PDE4D: variants seen among roughly 807,000 people sequenced by gnomAD.
PDE4D encodes 3',5'-cyclic-AMP phosphodiesterase 4D.
PDE4D carries 24 observed loss-of-function variants against 87.4 expected under a neutral mutation model. The ratio of observed to expected loss-of-function variants is 0.27; its 90% CI spans 0.20 to 0.39. The LOEUF (loss-of-function observed/expected upper bound fraction) is 0.39, where lower values mean the gene tolerates loss of function less well. Among genes scored for constraint, PDE4D ranks in the 10% least tolerant of loss-of-function variants. The pLI is 1.00. For missense variants in PDE4D, 714 were observed against 1,041.0 expected (o/e 0.69, Z 4.32); for synonymous variants, 384 against 383.2 (o/e 1.00, Z -0.02).
chr5:60,424,676 T>A (rs36136586), intron 1 of PDE4D, among the ~76,000 whole-genome samples: 1 of 152,224 alleles, frequency 6.6e-6, no homozygotes, highest in African/African-American at 2.4e-5. Context: ...TTGGAAGTTC[T>A]GGCTGGGGCA....
rs373096638 is a variant in PDE4D, at chr5:59,652,265, T to C, written c.455+240903A>G. Among the ~76,000 whole-genome samples the C allele has an allele frequency of 2.7e-3, 414 of 152,356 alleles. 3 individuals carry two copies. The highest frequency in any genetic ancestry group is 6.4e-3 in the South Asian group (31 of 4,828). On this transcript the variant is annotated intron_variant, in intron 1 of 14. Transcript: ENST00000340635. ...AAGCACTCACTGAGAACACTGAAAG[T>C]ACACCATTAGTCTCTGCCTGTGGCC...
chr5:59,090,331 TG>T (rs1768468654), intron 5 of PDE4D, among the ~76,000 whole-genome samples: 1 of 152,124 alleles, frequency 6.6e-6, no homozygotes, highest in Non-Finnish European at 1.5e-5. Context: ...TAGGCATTAG[TG>T]TAGGAGTCAG....
intron 1 of PDE4D, among the ~76,000 whole-genome samples, chr5:59,808,300 C>T (rs1374036436): frequency 1.3e-5 from 2 of 152,080 alleles, no homozygotes; most frequent in Non-Finnish European, 2.9e-5. Flanking sequence ...AGAACTTTCT[C>T]TTTTAAGATT....
chr5:59,546,713 C>A (rs536477747), intron 1 of PDE4D, among the ~76,000 whole-genome samples: 4 of 152,128 alleles, frequency 2.6e-5, no homozygotes. Flanking sequence ...AAAAGACGAA[C>A]TACCAGAATA....
chr5:60,120,404 C>T lies in PDE4D; in HGVS notation c.42+65153G>A, dbSNP rs550644803. Among the ~76,000 whole-genome samples the T allele has an allele frequency of 2.6e-5, 4 of 152,300 alleles. No homozygotes were observed. In the South Asian group the frequency reaches 8.3e-4, roughly 32 times the overall value. ...CACTTGGCAGAAGGGCAGGAAGCCA[C>T]ATATGTTGCACCAAGGTATTGACAA... is the stretch of plus-strand genomic sequence containing the variant. On this transcript the variant is annotated intron_variant, in intron 2 of 16. Transcript: ENST00000502484.
chr5:60,223,695 G>A (rs1744759533), intron 1 of PDE4D, among the ~76,000 whole-genome samples: 1 of 152,046 alleles, frequency 6.6e-6, no homozygotes, highest in South Asian at 2.1e-4. Flanking sequence ...ATCAGATAAT[G>A]GGGATTTTCT....
chr5:59,559,364 G>A (rs1201377074), intron 1 of PDE4D, among the ~76,000 whole-genome samples: 1 of 152,128 alleles, frequency 6.6e-6, no homozygotes, highest in African/African-American at 2.4e-5. Flanking sequence ...ATGATTTCCA[G>A]TAATTTGGGA....
At chr5:59,057,518 C>T (rs1269328116) in intron 5 of PDE4D, among the ~76,000 whole-genome samples, 1 of 152,086 alleles carries the variant, frequency 6.6e-6, no homozygotes, top group Non-Finnish European at 1.5e-5. Flanking sequence ...ATGCAGGCAC[C>T]TAGAGCATGT....
At chr5:60,085,015 T>C (rs1774383527) in intron 2 of PDE4D, among the ~76,000 whole-genome samples, 2 of 152,210 alleles carry the variant, frequency 1.3e-5, no homozygotes. Context: ...ATATAAACTC[T>C]GATTTGCCCA....
At chr5:60,132,868 A>T (rs1239946062) in intron 2 of PDE4D, among the ~76,000 whole-genome samples, 1 of 152,136 alleles carries the variant, frequency 6.6e-6, no homozygotes, top group African/African-American at 2.4e-5. Flanking sequence ...AGAAAAAAAA[A>T]ATTACTCAAG....
chr5:60,013,938 C>G (rs2152846798), intron 2 of PDE4D, among the ~76,000 whole-genome samples: 1 of 151,708 alleles, frequency 6.6e-6, no homozygotes, highest in South Asian at 2.1e-4. Flanking sequence ...CTAAAAAATA[C>G]AAAAATTAGC....
intron 1 of PDE4D, among the ~76,000 whole-genome samples, chr5:59,688,520 A>G (rs910613735): frequency 6.6e-6 from 1 of 152,214 alleles, no homozygotes; most frequent in Non-Finnish European, 1.5e-5. Context: ...TTTGAAACCA[A>G]TGAGAACAAA....
chr5:58,977,585 G>T (rs1037713624), intron 11 of PDE4D, among the ~76,000 whole-genome samples: 6 of 152,112 alleles, frequency 3.9e-5, no homozygotes, highest in Admixed American at 1.3e-4. Flanking sequence ...CACTCTGTAG[G>T]TCTCAGCTTT....
intron 2 of PDE4D, among the ~76,000 whole-genome samples, chr5:60,075,026 AT>A (rs1773136322): frequency 6.6e-6 from 1 of 152,042 alleles, no homozygotes. Flanking sequence ...ATTAATTTGT[AT>A]GGGTTTGATC....
intron 1 of PDE4D, among the ~76,000 whole-genome samples, chr5:59,270,085 CTAGTT>C (rs1460238030): frequency 6.6e-6 from 1 of 152,078 alleles, no homozygotes; most frequent in African/African-American, 2.4e-5. Context: ...CTGTGTCTTT[CTAGTT>C]ATGTTTTAAA....
intron 2 of PDE4D, among the ~76,000 whole-genome samples, chr5:60,142,875 T>C (rs1780660046): frequency 6.6e-6 from 1 of 152,116 alleles, no homozygotes; most frequent in Admixed American, 6.6e-5. Context: ...GGGAGTTTGA[T>C]TTAGGATTGT....
rs1294663809 is a variant in PDE4D at position 59,679,455 on chromosome 5, A to G, written c.455+213713T>C. Reference sequence around the variant, plus strand: ...ATATATCTGTGGTTATCTTCCCTCCATAAACATTTCCTAGTGATTTTGTTA... The same window carrying G: ...ATATATCTGTGGTTATCTTCCCTCCGTAAACATTTCCTAGTGATTTTGTTA... On this transcript the variant is annotated intron_variant, in intron 1 of 14. Transcript: ENST00000340635. 7.9e-5 allele frequency among the ~76,000 whole-genome samples: 12 copies of G among 152,146 alleles called. No individual in the cohort carries two copies. In the East Asian group the frequency reaches 2.1e-3, roughly 27 times the overall value.
At chr5:59,237,893 G>A (rs2061282) in intron 1 of PDE4D, among the ~76,000 whole-genome samples, 21,648 of 151,766 alleles carry the variant, frequency 0.14, 2,279 homozygotes, top group East Asian at 0.51. Context: ...TTATATGTTT[G>A]CTTCTTAATT....
chr5:59,771,488 AG>A lies in PDE4D; in HGVS notation c.455+121679del, dbSNP rs1347587538. On this transcript the variant is annotated intron_variant, in intron 1 of 14. Coordinates refer to ENST00000340635, the MANE Select transcript of PDE4D (RefSeq NM_001104631.2). ...AAGAAAGAAAGAAAGAAAGAAAGAG[AG>A]AGAGAGAGAGAAGAAAGAAAGAAAG... is the stretch of plus-strand genomic sequence containing the variant. Among the ~76,000 whole-genome samples, 787 of 84,772 alleles carry A rather than the reference AG, an allele frequency of 9.3e-3. 11 individuals carry two copies. Among genetic ancestry groups the A allele is most frequent in the African/African-American group, 0.023 (472 of 20,106 alleles). The allele number at this position is 84,772 out of a possible 152,430, so 55.6% of individuals were successfully genotyped here.
Sources: allele counts gnomAD v4.1 joint callset (sites outside exome capture counted in the v4.1 genomes callset), GRCh38; gene constraint gnomAD v4.1.1; transcripts MANE v1.5; gene names NCBI Gene and HGNC (gene_info 2026-07-23, HGNC 2026-07-21).